Variants in PSMC5 observed in about 807,000 individuals in gnomAD.
PSMC5 encodes the protein proteasome 26S subunit, ATPase 5.
A neutral mutation model predicts 49.1 loss-of-function variants in PSMC5; 11 were observed. The ratio of observed to expected loss-of-function variants is 0.22; its 90% confidence interval spans 0.14 to 0.37. The LOEUF is 0.37. Among genes scored for constraint, PSMC5 ranks in the 10% least tolerant of loss-of-function variants. The pLI is 1.00. For synonymous variants in PSMC5, 206 were observed against 192.2 expected (o/e 1.07, Z -0.59); for missense variants, 229 against 520.9 (o/e 0.44, Z 5.45).
In PSMC5 at chr17:63,831,423, G is replaced by A; in HGVS notation, c.967G>A (p.Glu323Lys). 1 of 1,613,892 alleles carries A rather than the reference G, an allele frequency of 6.2e-7. No homozygotes were observed. The highest frequency in any genetic ancestry group is 8.5e-7 in the Non-Finnish European group (1 of 1,179,894). ...RKIEFPPPNE[E>K]ARLDILKIHS... ...AATTGAATTCCCACCCCCCAATGAG[G>A]AGGTTTGTGATGGACACTGTGCAAA... The change falls in exon 9 of 12, where the codon GAG becomes AAG. Residue 323 changes from glutamate (E) to lysine (K), a missense_variant and splice_region_variant. This residue lies in a region of PSMC5 where 121 missense variants were observed against 330.6 expected (regional missense o/e 0.37). Coordinates refer to ENST00000310144, the MANE Select transcript of PSMC5 (RefSeq NM_002805.6). The surrounding 1 kb of genome is among the most constrained non-coding windows in gnomAD (Gnocchi z 6.3).
At position 63,830,643 on chromosome 17, in the gene PSMC5, G is replaced by C; in HGVS notation, c.552+142G>C. 2.0e-6 allele frequency: 3 copies of C among 1,473,708 alleles called. No individual in the cohort carries two copies. Among genetic ancestry groups the C allele is most frequent in the Non-Finnish European group, 2.7e-6 (3 of 1,107,272 alleles). The allele number at this position is 1,473,708 out of a possible 1,614,324, so 91.3% of individuals were successfully genotyped here. A position where few individuals can be genotyped will look rare whatever the true frequency, so the allele number is the denominator to read the frequency against. ...CCTCCCCCTGAAAAGAGTGGCTGGGGAAGTGTTCCTAGGGCGGTGAGGTGG... is the reference window on the plus strand; with the variant it reads ...CCTCCCCCTGAAAAGAGTGGCTGGGCAAGTGTTCCTAGGGCGGTGAGGTGG... On this transcript the variant is annotated intron_variant, in intron 6 of 11. Coordinates refer to ENST00000310144, the MANE Select transcript of PSMC5 (RefSeq NM_002805.6). The surrounding 1 kb of genome is among the most constrained non-coding windows in gnomAD (Gnocchi z 4.0).
Position 63,830,574 on chromosome 17 carries a change from G to A in PSMC5, c.552+73G>A. On this transcript the variant is annotated intron_variant, in intron 6 of 11. Coordinates refer to ENST00000310144, the MANE Select transcript of PSMC5 (RefSeq NM_002805.6). The surrounding 1 kb of genome is among the most constrained non-coding windows in gnomAD (Gnocchi z 4.0). ...CTGCCCCAGCCAGCCCTACTGCAGG[G>A]GTTGGGGAGGCACCGGGATAGGCTG... 1 of 1,566,416 alleles carries A rather than the reference G, an allele frequency of 6.4e-7. No homozygotes were observed. The highest frequency in any genetic ancestry group is 8.6e-7 in the Non-Finnish European group (1 of 1,158,256).
Position 63,830,925 on chromosome 17 carries a change from C to T in PSMC5, c.669C>T (p.Phe223=), listed in dbSNP as rs747880777. Residue 223 remains phenylalanine (F), a synonymous_variant, in exon 7 of 12, where the codon TTC becomes TTT. Coordinates refer to ENST00000310144, the MANE Select transcript of PSMC5 (RefSeq NM_002805.6). The surrounding 1 kb of genome is among the most constrained non-coding windows in gnomAD (Gnocchi z 4.0). ...RVSGSELVQK[F]IGEGARMVRE... ...CTGGCTCTGAACTGGTACAGAAATT[C>T]ATAGGGGAAGGTAACCATGGCTAGC... 6.2e-7 allele frequency: 1 copy of T among 1,613,820 alleles called. No individual in the cohort carries two copies.
intron 4 of PSMC5, 24 bp downstream of exon 4, chr17:63,829,973 AC>A: frequency 6.3e-7 from 1 of 1,594,484 alleles, no homozygotes; most frequent in Non-Finnish European, 8.5e-7. Context: ...GACCCCAGGG[AC>A]CAGCTCGGTC....
rs2040161688 is a variant in PSMC5 at position 63,829,917 on chromosome 17, C to T, written c.232C>T (p.Arg78Trp). Reference sequence around the variant, plus strand: ...GGGCTCCTATGTGGGGGAAGTAGTCCGGGCCATGGATAAGAAGAAAGTGTT... The same window carrying T: ...GGGCTCCTATGTGGGGGAAGTAGTCTGGGCCATGGATAAGAAGAAAGTGTT... ...EQGSYVGEVV[R>W]AMDKKKVLVK... The change falls in exon 4 of 12, where the codon CGG (arginine) becomes TGG (tryptophan). Residue 78 changes from arginine (R) to tryptophan (W), a missense_variant. Around this residue, in one of 4 missense-constraint regions of PSMC5, gnomAD observed 98 missense variants for 144.0 expected, o/e 0.68. Transcript: ENST00000310144. The T allele has an allele frequency of 5.6e-6, 9 of 1,612,648 alleles. No homozygotes were observed. Among genetic ancestry groups the T allele is most frequent in the East Asian group, 2.2e-5 (1 of 44,854 alleles).
In PSMC5 at chr17:63,830,078, T is replaced by C. The variant is rs1345968511; in HGVS notation, c.265-55T>C. 1 of 1,594,188 alleles carries C rather than the reference T, an allele frequency of 6.3e-7. No homozygotes were observed. Among genetic ancestry groups the C allele is most frequent in the Non-Finnish European group, 8.6e-7 (1 of 1,168,810 alleles). ...TGGGATTCTCATAGGTCTTCCTGGG[T>C]AGGATTAGTGATTTGGTGGCTGTCA... On this transcript the variant is annotated intron_variant, in intron 4 of 11. Transcript: ENST00000310144. This position sits in a 1 kb window ranked among gnomAD's most constrained non-coding sequence, Gnocchi z 4.0.
At chr17:63,828,900 A>G (rs1250414057) in intron 2 of PSMC5, 1 of 154,390 alleles carries the variant, frequency 6.5e-6, no homozygotes, top group African/African-American at 2.4e-5. Context: ...TGCGTTGTTC[A>G]AGTGTCAACT....
rs781701985 is a variant in PSMC5, at chr17:63,830,530, C to T, written c.552+29C>T. On this transcript the variant is annotated intron_variant, in intron 6 of 11. Coordinates refer to ENST00000310144, the MANE Select transcript of PSMC5 (RefSeq NM_002805.6). The surrounding 1 kb of genome is among the most constrained non-coding windows in gnomAD (Gnocchi z 4.0). ...AGGAGCAGGGCTTCTCTGAGAGGGC[C>T]AAGCTGTACTTACTCCTCCTGCCCC... The T allele has an allele frequency of 6.2e-7, 1 of 1,610,614 alleles. No homozygotes were observed. The highest frequency in any genetic ancestry group is 2.2e-5 in the East Asian group (1 of 44,814).
intron 1 of PSMC5, 28 bp downstream of exon 1, chr17:63,827,542 A>G (rs2040123470): frequency 1.3e-6 from 2 of 1,550,998 alleles, no homozygotes; most frequent in Non-Finnish European, 8.7e-7. Context: ...GCGGCCCGGC[A>G]GGTTACGGGG....
chr17:63,829,461 T>A, intron 2 of PSMC5, 33 bp from the exon 3 acceptor site: 1 of 1,547,830 alleles, frequency 6.5e-7, no homozygotes. Flanking sequence ...CTCCTGCCCT[T>A]GAATAATGGA....
chr17:63,831,911 C>A lies in PSMC5; in HGVS notation c.1168-5C>A. 1 of 1,613,970 alleles carries A rather than the reference C, an allele frequency of 6.2e-7. No homozygotes were observed. The highest frequency in any genetic ancestry group is 1.1e-5 in the South Asian group (1 of 91,082). On this transcript the variant is annotated splice_region_variant and splice_polypyrimidine_tract_variant and intron_variant, in intron 11 of 11. Transcript: ENST00000310144. The surrounding 1 kb of genome is among the most constrained non-coding windows in gnomAD (Gnocchi z 6.3). The stretch of plus-strand genomic sequence containing the variant: ...CTTAATGTTCATTCTCTCTCCCACC[C>A]CTAGGTCATGCAGAAGGACAGTGAG...
rs982891168 is a variant in PSMC5 at position 63,830,538 on chromosome 17, A to C, written c.552+37A>C. On this transcript the variant is annotated intron_variant, in intron 6 of 11. Coordinates refer to ENST00000310144, the MANE Select transcript of PSMC5 (RefSeq NM_002805.6). This position sits in a 1 kb window ranked among gnomAD's most constrained non-coding sequence, Gnocchi z 4.0. Reference sequence around the variant, plus strand: ...GGCTTCTCTGAGAGGGCCAAGCTGTACTTACTCCTCCTGCCCCAGCCAGCC... The same window carrying C: ...GGCTTCTCTGAGAGGGCCAAGCTGTCCTTACTCCTCCTGCCCCAGCCAGCC... 6.2e-7 allele frequency: 1 copy of C among 1,606,972 alleles called. No individual in the cohort carries two copies. The highest frequency in any genetic ancestry group is 1.3e-5 in the African/African-American group (1 of 74,796).
In PSMC5 at chr17:63,830,981, G is replaced by C; in HGVS notation, c.679+46G>C. ...GAGAAGCAAGAGGTAGGGGTAGGGG[G>C]TTAGAGAGCTAATAAGCTAATAAGC... On this transcript the variant is annotated intron_variant, in intron 7 of 11. Transcript: ENST00000310144. The surrounding 1 kb of genome is among the most constrained non-coding windows in gnomAD (Gnocchi z 4.0). 6.2e-7 allele frequency: 1 copy of C among 1,612,604 alleles called. No homozygotes were observed. Among genetic ancestry groups the C allele is most frequent in the Non-Finnish European group, 8.5e-7 (1 of 1,179,084 alleles).
intron 2 of PSMC5, chr17:63,828,452 A>G: frequency 2.5e-6 from 1 of 394,366 alleles, no homozygotes; most frequent in South Asian, 4.3e-5. Flanking sequence ...GTCAAATCTT[A>G]ATAGTAAAGG....
Position 63,827,506 on chromosome 17 carries a change from C to A in PSMC5, c.16C>A (p.Pro6Thr). ...AAGAGAGAAGATGGCGCTTGACGGACCAGAGCAGGTATGGCGGGTGCAGTG... is the reference window on the plus strand; with the variant it reads ...AAGAGAGAAGATGGCGCTTGACGGAACAGAGCAGGTATGGCGGGTGCAGTG... MALDG[P>T]EQMELEEGKA... is the part of the protein sequence containing the mutation. Residue 6 changes from proline (P) to threonine (T), a missense_variant, in exon 1 of 12, where the codon CCA becomes ACA. Transcript: ENST00000310144. 1.3e-6 allele frequency: 2 copies of A among 1,551,760 alleles called. No homozygotes were observed. Among genetic ancestry groups the A allele is most frequent in the Non-Finnish European group, 1.7e-6 (2 of 1,147,010 alleles).
rs2040168209 is a variant in PSMC5 at position 63,830,375 on chromosome 17, A to G, written c.426A>G (p.Lys142=). ...TAGTGTCACTGATGATGGTGGAGAA[A>G]GTACCAGATTCAACTTATGAGATGA... ...DPLVSLMMVE[K]VPDSTYEMIG... is the part of the protein sequence containing the mutation. Residue 142 remains lysine, a synonymous_variant, in exon 6 of 12, where the codon AAA becomes AAG. Transcript: ENST00000310144. The surrounding 1 kb of genome is among the most constrained non-coding windows in gnomAD (Gnocchi z 4.0). 4 of 1,614,140 alleles carry G rather than the reference A, an allele frequency of 2.5e-6. No homozygotes were observed. The highest frequency in any genetic ancestry group is 1.3e-5 in the African/African-American group (1 of 74,942).
In PSMC5 at chr17:63,831,733, A is replaced by T; in HGVS notation, c.1090A>T (p.Thr364Ser). Residue 364 changes from threonine to serine, a missense_variant, in exon 11 of 12, where the codon ACA becomes TCA. Around this residue, in one of 4 missense-constraint regions of PSMC5, gnomAD observed 121 missense variants for 330.6 expected, o/e 0.37. Coordinates refer to ENST00000310144, the MANE Select transcript of PSMC5 (RefSeq NM_002805.6). This position sits in a 1 kb window ranked among gnomAD's most constrained non-coding sequence, Gnocchi z 6.3. ...TCCTTTTCCTGTTCAGGGCGTGTGC[A>T]CAGAAGCTGGCATGTATGCCCTGCG... Reference protein sequence around the residue: ...ASGAEVKGVCTEAGMYALRER... With the variant: ...ASGAEVKGVCSEAGMYALRER... 1 of 1,614,158 alleles carries T rather than the reference A, an allele frequency of 6.2e-7. No individual in the cohort carries two copies. Among genetic ancestry groups the T allele is most frequent in the Non-Finnish European group, 8.5e-7 (1 of 1,180,018 alleles).
At position 63,831,135 on chromosome 17, in the gene PSMC5, A is replaced by AG; in HGVS notation, c.785dup (p.Ser263PhefsTer6). The AG allele has an allele frequency of 6.4e-7, 1 of 1,566,906 alleles. No individual in the cohort carries two copies. Reference sequence around the variant, plus strand: ...GACTCCATCGGCTCCTCGCGGCTGGAGGGGGGTTCTGGAGGGGACAGTGAA... The same window carrying AG: ...GACTCCATCGGCTCCTCGCGGCTGGAGGGGGGGTTCTGGAGGGGACAGTGAA... On this transcript the variant is annotated frameshift_variant, in exon 8 of 12. Transcript: ENST00000310144. LOFTEE classifies it high-confidence loss of function. This position sits in a 1 kb window ranked among gnomAD's most constrained non-coding sequence, Gnocchi z 6.3.
chr17:63,828,540 G>A, intron 2 of PSMC5: 1 of 233,108 alleles, frequency 4.3e-6, no homozygotes, highest in Non-Finnish European at 8.6e-6. Context: ...CATAAGCTCA[G>A]GAGTTGAAAT....
Sources: gnomAD v4.1 joint callset for allele counts on GRCh38, gnomAD v4.1.1 for gene constraint, gnomAD v4.1.1 regional missense constraint, Gnocchi (gnomAD v3.1) non-coding constraint, MANE v1.5 for transcripts, NCBI Gene and HGNC (gene_info 2026-07-23, HGNC 2026-07-21) for gene names.